The following PARD3 variants were observed in gnomAD, a reference collection of about 807,000 sequenced individuals.
PARD3 encodes par-3 family cell polarity regulator.
Under a neutral mutation model 155.4 loss-of-function variants are expected in PARD3, and 75 were observed. The ratio of observed to expected loss-of-function variants is 0.48; its 90% CI spans 0.40 to 0.58. The LOEUF is 0.58. Among genes scored for constraint, PARD3 ranks in the 20% least tolerant of loss-of-function variants. The probability of loss-of-function intolerance (pLI) is 0.00; values close to 1 mark genes in which losing one functional copy is unlikely to be tolerated. For missense variants in PARD3, 1,642 were observed against 1,721.7 expected (o/e 0.95, Z 0.82); for synonymous variants, 576 against 610.5 (o/e 0.94, Z 0.83).
At position 34,180,436 on chromosome 10, in the gene PARD3, G is replaced by A. The variant is rs979604917; in HGVS notation, c.3420-48853C>T. On this transcript the variant is annotated intron_variant, in intron 22 of 24. Transcript: ENST00000374788. The stretch of plus-strand genomic sequence containing the variant: ...AATACAGGATAGCAATAATGGAGGC[G>A]GAGAGATGAGACAGGCTGGTTCTAG... 3.9e-5 allele frequency among the ~76,000 whole-genome samples: 6 copies of A among 152,294 alleles called. No individual in the cohort carries two copies. The South Asian group carries it at 1.0e-3, about 26-fold the overall frequency.
rs1839310869 is a variant in PARD3 at position 34,360,214 on chromosome 10, C to G, written c.1753G>C (p.Glu585Gln). 1 of 1,613,804 alleles carries G rather than the reference C, an allele frequency of 6.2e-7. No individual in the cohort carries two copies. The highest frequency in any genetic ancestry group is 1.3e-5 in the African/African-American group (1 of 74,922). ...AGTGGGACTTCAAATGTCAGAAATT[C>G]CCTGGTGCCATCAGGTGTAAGAACA... is the stretch of plus-strand genomic sequence containing the variant. ...DIVLTPDGTR[E>Q]FLTFEVPLND... Residue 585 changes from glutamate to glutamine, a missense_variant, in exon 13 of 25, where the codon GAA becomes CAA. Transcript: ENST00000374788.
At chr10:34,763,488 T>C (rs1837709792) in intron 1 of PARD3, among the ~76,000 whole-genome samples, 1 of 152,154 alleles carries the variant, frequency 6.6e-6, no homozygotes, top group Admixed American at 6.5e-5. Flanking sequence ...CCTGTATCAT[T>C]GCAACTTCCT....
chr10:34,742,911 T>G (rs953549162), intron 1 of PARD3, among the ~76,000 whole-genome samples: 1 of 152,166 alleles, frequency 6.6e-6, no homozygotes, highest in African/African-American at 2.4e-5. Flanking sequence ...ACAGGCTCCT[T>G]CACTGAAAGC....
chr10:34,750,679 A>G (rs1835914891), intron 1 of PARD3, among the ~76,000 whole-genome samples: 1 of 150,064 alleles, frequency 6.7e-6, no homozygotes, highest in South Asian at 2.1e-4. Context: ...TATTCTTGGT[A>G]ATGACATAAC....
At chr10:34,612,474 A>G (rs1262944961) in intron 2 of PARD3, among the ~76,000 whole-genome samples, 1 of 152,198 alleles carries the variant, frequency 6.6e-6, no homozygotes, top group Non-Finnish European at 1.5e-5. Context: ...CTCTTTACCT[A>G]CTTTTTCCAA....
intron 1 of PARD3, among the ~76,000 whole-genome samples, chr10:34,764,125 C>A (rs1397723535): frequency 6.6e-6 from 1 of 152,146 alleles, no homozygotes. Flanking sequence ...GGAAGATGAC[C>A]CAGGCACTGG....
chr10:34,788,048 T>C (rs1409426411), intron 1 of PARD3, among the ~76,000 whole-genome samples: 1 of 151,084 alleles, frequency 6.6e-6, no homozygotes, highest in African/African-American at 2.4e-5. Flanking sequence ...CCTCCGAAAG[T>C]GTTGGGACTA....
chr10:34,203,093 C>T (rs71487352), intron 22 of PARD3, among the ~76,000 whole-genome samples: 4,260 of 152,288 alleles, frequency 0.028, 88 homozygotes, highest in Non-Finnish European at 0.041. Flanking sequence ...CCCAGTTTCT[C>T]GCTCTGCCTG....
In PARD3 at chr10:34,187,396, G is replaced by A. The variant is rs149893469; in HGVS notation, c.3420-55813C>T. On this transcript the variant is annotated intron_variant, in intron 22 of 24. Coordinates refer to ENST00000374788, the MANE Select transcript of PARD3 (RefSeq NM_001184785.2). The stretch of plus-strand genomic sequence containing the variant: ...CCACACATTCCTGTACCCACCACAA[G>A]TACAACAAAAACAGATGCTTGGAAG... 3.9e-5 allele frequency among the ~76,000 whole-genome samples: 6 copies of A among 152,284 alleles called. No individual in the cohort carries two copies. In the East Asian group the frequency reaches 1.2e-3, roughly 29 times the overall value.
At chr10:34,203,511 A>G (rs71487354) in intron 22 of PARD3, among the ~76,000 whole-genome samples, 4,201 of 152,326 alleles carry the variant, frequency 0.028, 89 homozygotes, top group Non-Finnish European at 0.041. Flanking sequence ...AACTGGTGTA[A>G]TATTTGCATA....
At chr10:34,119,582 G>T in intron 24 of PARD3, 31 bp downstream of exon 24, 1 of 1,576,694 alleles carries the variant, frequency 6.3e-7, no homozygotes, top group African/African-American at 1.3e-5. Flanking sequence ...GGGCCGGGGG[G>T]ATCTGGAGGC....
At chr10:34,734,025 C>A (rs1480279564) in intron 1 of PARD3, among the ~76,000 whole-genome samples, 2 of 151,304 alleles carry the variant, frequency 1.3e-5, no homozygotes, top group African/African-American at 2.4e-5. Context: ...CAAAATTAAC[C>A]CCAAACATAA....
At chr10:34,596,000 A>G (rs1372273225) in intron 2 of PARD3, among the ~76,000 whole-genome samples, 2 of 152,182 alleles carry the variant, frequency 1.3e-5, no homozygotes, top group Non-Finnish European at 2.9e-5. Flanking sequence ...TAAAAGCTTA[A>G]TATTACCCTT....
chr10:34,492,715 A>T (rs2079998357), intron 3 of PARD3, among the ~76,000 whole-genome samples: 1 of 150,650 alleles, frequency 6.6e-6, no homozygotes, highest in Admixed American at 6.6e-5. Context: ...GATTAACAGA[A>T]ATGTGTTGGG....
At chr10:34,381,314 T>C (rs1841797711) in intron 9 of PARD3, among the ~76,000 whole-genome samples, 2 of 152,144 alleles carry the variant, frequency 1.3e-5, no homozygotes, top group Non-Finnish European at 2.9e-5. Context: ...CATCCAACTA[T>C]AAGAGTTGAT....
intron 1 of PARD3, among the ~76,000 whole-genome samples, chr10:34,705,243 T>C (rs928196521): frequency 3.9e-5 from 6 of 152,266 alleles, no homozygotes; most frequent in Non-Finnish European, 4.4e-5. Flanking sequence ...GGCAGGAGGA[T>C]TGCTTGAGCC....
intron 1 of PARD3, among the ~76,000 whole-genome samples, chr10:34,718,121 T>C (rs1590798836): frequency 7.5e-6 from 1 of 132,860 alleles, no homozygotes; most frequent in Non-Finnish European, 1.5e-5. Flanking sequence ...GCCACTGCAC[T>C]CCAGCCTGGG....
chr10:34,763,185 A>C (rs1009487107), intron 1 of PARD3, among the ~76,000 whole-genome samples: 2 of 152,234 alleles, frequency 1.3e-5, no homozygotes, highest in African/African-American at 4.8e-5. Context: ...GTCCCACAAA[A>C]GGAAGAAATT....
intron 22 of PARD3, among the ~76,000 whole-genome samples, chr10:34,213,202 GAAA>G (rs1317595964): frequency 2.6e-5 from 4 of 152,168 alleles, no homozygotes; most frequent in Non-Finnish European, 5.9e-5. Flanking sequence ...ACTCATGGCA[GAAA>G]GTGAAAGGGG....
Sources: allele counts gnomAD v4.1 joint callset (sites outside exome capture counted in the v4.1 genomes callset), GRCh38; gene constraint gnomAD v4.1.1; transcripts MANE v1.5; gene names NCBI Gene and HGNC (gene_info 2026-07-23, HGNC 2026-07-21).